The following PTPRS variants were observed in gnomAD, a reference collection of about 807,000 sequenced individuals.
PTPRS encodes protein tyrosine phosphatase receptor type S.
In PTPRS, 63 loss-of-function variants were observed where a neutral mutation model predicts 215.3. The ratio of observed to expected loss-of-function variants is 0.29; its 90% CI spans 0.24 to 0.36. PTPRS has a LOEUF of 0.36. Ranked by LOEUF, PTPRS falls within the 10% of genes least tolerant of loss-of-function variation. The pLI, the probability that PTPRS is intolerant of heterozygous loss-of-function variation, is 1.00. For missense variants in PTPRS, 2,258 were observed against 2,825.8 expected (o/e 0.80, Z 4.56); for synonymous variants, 1,404 against 1,191.4 (o/e 1.18, Z -3.68).
chr19:5,296,419 T>C (rs1390602099), intron 1 of PTPRS, among the ~76,000 whole-genome samples: 1 of 152,104 alleles, frequency 6.6e-6, no homozygotes, highest in East Asian at 1.9e-4. Context: ...AAGCATCGCT[T>C]GAGGCCAGGA....
intron 1 of PTPRS, among the ~76,000 whole-genome samples, chr19:5,329,839 G>C (rs2050268957): frequency 6.6e-6 from 1 of 151,952 alleles, no homozygotes; most frequent in South Asian, 2.1e-4. Flanking sequence ...CACTTTGAGA[G>C]GCCGAGGTGT....
At chr19:5,315,848 C>A (rs1254197011) in intron 1 of PTPRS, among the ~76,000 whole-genome samples, 2 of 151,538 alleles carry the variant, frequency 1.3e-5, no homozygotes, top group South Asian at 2.1e-4. Context: ...CCTGCCTGAT[C>A]TGGAACTCCT....
intron 16 of PTPRS, among the ~76,000 whole-genome samples, chr19:5,227,556 A>G (rs960590445): frequency 5.3e-5 from 8 of 152,166 alleles, no homozygotes; most frequent in Admixed American, 2.0e-4. Flanking sequence ...CTAGGATTAC[A>G]GGCATGCGCC....
intron 14 of PTPRS, 65 bp downstream of exon 14, chr19:5,231,245 A>C: frequency 6.7e-7 from 1 of 1,488,760 alleles, no homozygotes; most frequent in Non-Finnish European, 9.0e-7. Flanking sequence ...TTCCAGATGG[A>C]AGGCTTCGAG....
Position 5,210,924 on chromosome 19 carries a change from C to T in PTPRS, c.5235-119G>A. ...GACAGCTACACCTACCACCCCACTG[C>T]CTGCCAGGAATGGCTGCTGGGTGCA... On this transcript the variant is annotated intron_variant, in intron 33 of 37. Coordinates refer to ENST00000262963, the MANE Select transcript of PTPRS (RefSeq NM_002850.4). The surrounding 1 kb of genome is among the most constrained non-coding windows in gnomAD (Gnocchi z 4.5). 1 of 1,370,232 alleles carries T rather than the reference C, an allele frequency of 7.3e-7. No homozygotes were observed. The highest frequency in any genetic ancestry group is 9.7e-7 in the Non-Finnish European group (1 of 1,027,072). The allele number at this position is 1,370,232 out of a possible 1,614,324, so 84.9% of individuals were successfully genotyped here.
chr19:5,229,377 G>C (rs371168042), intron 15 of PTPRS, 35 bp from the exon 16 acceptor site: 8 of 1,373,982 alleles, frequency 5.8e-6, no homozygotes, highest in Non-Finnish European at 5.7e-6. Flanking sequence ...GGAGAGAGGA[G>C]GAAGGTGAGC....
intron 2 of PTPRS, among the ~76,000 whole-genome samples, chr19:5,285,077 C>T (rs920512104): frequency 5.3e-5 from 8 of 152,342 alleles, no homozygotes; most frequent in Admixed American, 3.9e-4. Context: ...ACAGGATTGC[C>T]GGCCTGCTAT....
chr19:5,212,521 T>C, intron 30 of PTPRS, 30 bp from the exon 31 acceptor site: 1 of 1,555,002 alleles, frequency 6.4e-7, no homozygotes, highest in Non-Finnish European at 8.7e-7. Flanking sequence ...CACCTGTCAC[T>C]CCGGCTCAAC....
At position 5,257,363 on chromosome 19, in the gene PTPRS, C is replaced by T; in HGVS notation, c.706+654G>A. 2.2e-6 allele frequency: 1 copy of T among 452,326 alleles called. No homozygotes were observed. The allele number at this position is 452,326 out of a possible 1,614,324, so 28.0% of individuals were successfully genotyped here. The stretch of plus-strand genomic sequence containing the variant: ...CCGTGCCTGCCCCAGCTCGGTGCAA[C>T]TACCGAGCCCCCCGGGTGCCTGTGC... On this transcript the variant is annotated intron_variant, in intron 8 of 37. Coordinates refer to ENST00000262963, the MANE Select transcript of PTPRS (RefSeq NM_002850.4). This position sits in a 1 kb window ranked among gnomAD's most constrained non-coding sequence, Gnocchi z 4.4.
chr19:5,267,845 G>A (rs755415255), intron 4 of PTPRS, among the ~76,000 whole-genome samples: 3 of 151,880 alleles, frequency 2.0e-5, no homozygotes, highest in Admixed American at 6.6e-5. Context: ...GTAAAGGGCC[G>A]CAAAAACAGC....
At chr19:5,212,284 C>T (rs2040971018) in intron 31 of PTPRS, 34 bp from the exon 32 acceptor site, 1 of 1,608,466 alleles carries the variant, frequency 6.2e-7, no homozygotes, top group Non-Finnish European at 8.5e-7. Flanking sequence ...TCAGGGGCTG[C>T]TGGGCTGCGG....
At chr19:5,213,428 C>T (rs1204597107) in intron 30 of PTPRS, among the ~76,000 whole-genome samples, 1 of 143,338 alleles carries the variant, frequency 7.0e-6, no homozygotes, top group East Asian at 2.2e-4. Context: ...TGCTGTCCCC[C>T]CAAATCTCCC....
chr19:5,264,133 G>A (rs913115630), intron 5 of PTPRS, among the ~76,000 whole-genome samples: 4 of 101,322 alleles, frequency 3.9e-5, no homozygotes, highest in Admixed American at 1.1e-4. Context: ...CTGCCCGTCT[G>A]TGCCCCCTTA....
intron 2 of PTPRS, among the ~76,000 whole-genome samples, chr19:5,284,261 G>A (rs1003577683): frequency 2.6e-5 from 4 of 152,054 alleles, no homozygotes; most frequent in African/African-American, 7.2e-5. Context: ...TCGGGAGGCT[G>A]AGGCAGGAGG....
chr19:5,266,721 C>A (rs2146417567), intron 4 of PTPRS, among the ~76,000 whole-genome samples: 1 of 152,248 alleles, frequency 6.6e-6, no homozygotes, highest in South Asian at 2.1e-4. Flanking sequence ...GTGGTCCGGC[C>A]ACCCTCAGAA....
chr19:5,224,555 G>A (rs1301161697), intron 17 of PTPRS, among the ~76,000 whole-genome samples: 3 of 152,210 alleles, frequency 2.0e-5, no homozygotes, highest in African/African-American at 7.2e-5. Context: ...AAAGAAGGGG[G>A]AAAGCTGGGC....
chr19:5,215,692 T>A (rs2041369902), intron 26 of PTPRS, 97 bp from the exon 27 acceptor site: 1 of 870,136 alleles, frequency 1.1e-6, no homozygotes, highest in East Asian at 2.6e-5. Flanking sequence ...CTGCGATGGG[T>A]GAGCTGTGGT....
chr19:5,327,663 T>C (rs1020456516), intron 1 of PTPRS, among the ~76,000 whole-genome samples: 3 of 152,116 alleles, frequency 2.0e-5, no homozygotes, highest in Non-Finnish European at 4.4e-5. Context: ...CAATGGGGCA[T>C]GATCATAGCT....
intron 1 of PTPRS, among the ~76,000 whole-genome samples, chr19:5,323,351 C>T (rs1258023985): frequency 6.6e-6 from 1 of 152,128 alleles, no homozygotes; most frequent in Non-Finnish European, 1.5e-5. Flanking sequence ...GAGTGAAACT[C>T]CGTCTCAAAA....
Sources: allele counts gnomAD v4.1 joint callset (sites outside exome capture counted in the v4.1 genomes callset), GRCh38; gene constraint gnomAD v4.1.1; non-coding constraint Gnocchi (gnomAD v3.1); transcripts MANE v1.5; gene names NCBI Gene and HGNC (gene_info 2026-07-23, HGNC 2026-07-21).